RBM4: variants seen among roughly 807,000 people sequenced by gnomAD.
The protein encoded by RBM4 is RNA-binding protein 4.
Under a neutral mutation model 29.5 loss-of-function variants are expected in RBM4, and 7 were observed. The ratio of observed to expected loss-of-function variants is 0.24; its 90% CI spans 0.14 to 0.45. The LOEUF (loss-of-function observed/expected upper bound fraction) is 0.45, where lower values mean the gene tolerates loss of function less well. Ranked by LOEUF, RBM4 falls within the 20% of genes least tolerant of loss-of-function variation. RBM4 has a pLI of 1.00. For synonymous variants in RBM4, 220 were observed against 205.4 expected (o/e 1.07, Z -0.61); for missense variants, 387 against 502.3 (o/e 0.77, Z 2.19).
intron 2 of RBM4, among the ~76,000 whole-genome samples, chr11:66,660,345 GTC>G (rs1372468164): frequency 4.8e-5 from 7 of 147,358 alleles, no homozygotes; most frequent in East Asian, 2.0e-4. Flanking sequence ...TGAGATGGGA[GTC>G]TCTCTTTTTT....
At chr11:66,660,349 CTCT>C (rs747992339) in intron 2 of RBM4, among the ~76,000 whole-genome samples, 4 of 145,194 alleles carry the variant, frequency 2.8e-5, no homozygotes, top group African/African-American at 1.0e-4. Flanking sequence ...ATGGGAGTCT[CTCT>C]TTTTTTTTTT....
chr11:66,656,572 C>T (rs1484701292), intron 2 of RBM4, among the ~76,000 whole-genome samples: 5 of 152,130 alleles, frequency 3.3e-5, no homozygotes, highest in South Asian at 2.1e-4. Flanking sequence ...CCACTATGCC[C>T]GGCCTGAAGT....
Position 66,643,516 on chromosome 11 carries a change from G to A in RBM4, c.479G>A (p.Ser160Asn), listed in dbSNP as rs1267577090. The change falls in exon 3 of 4, where the codon AGC becomes AAC. Residue 160 changes from serine to asparagine, a missense_variant. Around this residue, in one of 2 missense-constraint regions of RBM4, gnomAD observed 106 missense variants for 213.6 expected, o/e 0.50. Transcript: ENST00000310092. The surrounding 1 kb of genome is among the most constrained non-coding windows in gnomAD (Gnocchi z 6.1). Reference sequence around the variant, plus strand: ...ACTGCGCCCGGGATGGGAGACCAGAGCGGCTGCTATCGGTGCGGGAAAGAG... The same window carrying A: ...ACTGCGCCCGGGATGGGAGACCAGAACGGCTGCTATCGGTGCGGGAAAGAG... Reference protein sequence around the residue: ...LRTAPGMGDQSGCYRCGKEGH... With the variant: ...LRTAPGMGDQNGCYRCGKEGH... 5 of 1,614,020 alleles carry A rather than the reference G, an allele frequency of 3.1e-6. No individual in the cohort carries two copies. The highest frequency in any genetic ancestry group is 3.4e-6 in the Non-Finnish European group (4 of 1,180,024).
At chr11:66,660,186 C>G (rs1443886380) in intron 2 of RBM4, among the ~76,000 whole-genome samples, 2 of 143,330 alleles carry the variant, frequency 1.4e-5, no homozygotes, top group African/African-American at 2.6e-5. Flanking sequence ...TGCTTTAGAG[C>G]TAACTTAACT....
At chr11:66,652,733 T>C (rs1391125110) in intron 2 of RBM4, among the ~76,000 whole-genome samples, 2 of 152,078 alleles carry the variant, frequency 1.3e-5, no homozygotes, top group Non-Finnish European at 2.9e-5. Context: ...GTTTCGGGCG[T>C]GGTGGCGCAT....
intron 2 of RBM4, among the ~76,000 whole-genome samples, chr11:66,641,996 T>G (rs573677094): frequency 6.6e-6 from 1 of 152,368 alleles, no homozygotes; most frequent in South Asian, 2.1e-4. Flanking sequence ...TTGCACTTGT[T>G]TTCTCTGGTT....
At chr11:66,640,875 T>A (rs1938425851) in intron 2 of RBM4, 1 of 152,222 alleles carries the variant, frequency 6.6e-6, no homozygotes, top group Non-Finnish European at 1.5e-5. Flanking sequence ...GGATTGTCAC[T>A]TCATTTGGAA....
intron 2 of RBM4, among the ~76,000 whole-genome samples, chr11:66,651,996 A>G (rs938327111): frequency 2.6e-5 from 4 of 152,202 alleles, no homozygotes; most frequent in African/African-American, 9.7e-5. Flanking sequence ...GCAAGATTCA[A>G]CTGTGTGTGA....
At chr11:66,646,763 C>T (rs1450020690), downstream of RBM4, among the ~76,000 whole-genome samples, 8 of 152,314 alleles carry the variant, frequency 5.3e-5, no homozygotes, top group East Asian at 1.5e-3. Flanking sequence ...TCACCACCTT[C>T]CCTTAAGACT....
chr11:66,662,034 CAA>C (rs1310735302), intron 2 of RBM4, among the ~76,000 whole-genome samples: 1 of 151,788 alleles, frequency 6.6e-6, no homozygotes, highest in African/African-American at 2.4e-5. Context: ...CATCTCAAAA[CAA>C]AAAAATACAT....
chr11:66,643,987 C>T lies in RBM4; in HGVS notation c.950C>T (p.Pro317Leu). ...DRSPLRRATAPVPTVGEGYGY... is the reference protein window; with the variant it reads ...DRSPLRRATALVPTVGEGYGY... ...AGCCCCCTGCGTCGCGCTACAGCCCCAGTCCCCACTGTTGGAGAGGGCTAC... is the reference window on the plus strand; with the variant it reads ...AGCCCCCTGCGTCGCGCTACAGCCCTAGTCCCCACTGTTGGAGAGGGCTAC... Residue 317 changes from proline to leucine, a missense_variant, in exon 3 of 4, where the codon CCA (proline) becomes CTA (leucine). By Grantham distance (98) the Pro-to-Leu change is moderately conservative. Around this residue, in one of 2 missense-constraint regions of RBM4, gnomAD observed 281 missense variants for 288.7 expected, o/e 0.97. Transcript: ENST00000310092. The surrounding 1 kb of genome is among the most constrained non-coding windows in gnomAD (Gnocchi z 6.1). The T allele has an allele frequency of 6.2e-7, 1 of 1,613,460 alleles. No individual in the cohort carries two copies. Among genetic ancestry groups the T allele is most frequent in the South Asian group, 1.1e-5 (1 of 91,088 alleles).
chr11:66,661,201 G>C (rs1025740022), intron 2 of RBM4, among the ~76,000 whole-genome samples: 1 of 152,156 alleles, frequency 6.6e-6, no homozygotes, highest in Non-Finnish European at 1.5e-5. Context: ...TCTCCTCAGC[G>C]GCAGAGCCTA....
downstream of RBM4, among the ~76,000 whole-genome samples, chr11:66,650,093 G>C (rs1956777757): frequency 6.6e-6 from 1 of 152,118 alleles, no homozygotes; most frequent in East Asian, 1.9e-4. Context: ...TGCTTGTCTG[G>C]GCCTTGGGTG....
chr11:66,664,206 A>G (rs1433858778), intron 2 of RBM4, among the ~76,000 whole-genome samples: 1 of 139,846 alleles, frequency 7.2e-6, no homozygotes, highest in African/African-American at 2.7e-5. Context: ...ATGGGAGTAC[A>G]GTGGTGCCAT....
At chr11:66,642,202 C>T (rs1347567796) in intron 2 of RBM4, among the ~76,000 whole-genome samples, 1 of 152,232 alleles carries the variant, frequency 6.6e-6, no homozygotes, top group Non-Finnish European at 1.5e-5. Context: ...CAGAATCTAA[C>T]ATTAATTTTG....
exon 3 of RBM4, chr11:66,665,861 A>G: frequency 2.0e-6 from 3 of 1,531,366 alleles, no homozygotes; most frequent in South Asian, 1.2e-5. Flanking sequence ...TTTAGGCAAG[A>G]TAACCCCTGT....
intron 2 of RBM4, among the ~76,000 whole-genome samples, chr11:66,664,174 T>G (rs80245176): frequency 6.8e-6 from 1 of 146,606 alleles, no homozygotes; most frequent in Non-Finnish European, 1.5e-5. Context: ...CCCAGCTGTT[T>G]TTTTTTTTTT....
In RBM4 at chr11:66,643,782, C is replaced by A; in HGVS notation, c.745C>A (p.Leu249Met). The A allele has an allele frequency of 6.2e-7, 1 of 1,614,052 alleles. No homozygotes were observed. Among genetic ancestry groups the A allele is most frequent in the Non-Finnish European group, 8.5e-7 (1 of 1,180,002 alleles). Residue 249 changes from leucine to methionine, a missense_variant, in exon 3 of 4, where the codon CTG becomes ATG. Transcript: ENST00000310092. This position sits in a 1 kb window ranked among gnomAD's most constrained non-coding sequence, Gnocchi z 6.1. ...CGTGTATAATTACGCAGAGCAGACC[C>A]TGTCCCAGCTGCCACAAGTCCAGAA... ...ASVYNYAEQT[L>M]SQLPQVQNTA...
chr11:66,644,610 A>G, intron 3 of RBM4: 7 of 818,776 alleles, frequency 8.5e-6, no homozygotes, highest in Non-Finnish European at 1.0e-5. Flanking sequence ...CCATAACTGT[A>G]GTTAACTGGT....
Sources: allele counts gnomAD v4.1 joint callset (sites outside exome capture counted in the v4.1 genomes callset), GRCh38; gene constraint gnomAD v4.1.1; regional missense constraint gnomAD v4.1.1; non-coding constraint Gnocchi (gnomAD v3.1); transcripts MANE v1.5; gene names NCBI Gene and HGNC (gene_info 2026-07-23, HGNC 2026-07-21).